The following CFAP119 variants were observed in gnomAD, a reference collection of about 807,000 sequenced individuals.
The protein encoded by CFAP119 is cilia- and flagella-associated protein 119.
the CFAP119 span, chr16:30,760,163 A>G: frequency 6.3e-7 from 1 of 1,591,226 alleles, no homozygotes; most frequent in Non-Finnish European, 8.5e-7. Context: ...GTGTATGATG[A>G]TGCTACTAAT....
At chr16:30,761,774 C>A in the CFAP119 span, 2 of 1,502,018 alleles carry the variant, frequency 1.3e-6, no homozygotes, top group African/African-American at 2.8e-5. Flanking sequence ...TGCCGCGAGG[C>A]GCCCCGGGCT....
At chr16:30,759,336 C>T in the CFAP119 span, 2 of 1,613,244 alleles carry the variant, frequency 1.2e-6, no homozygotes, top group African/African-American at 1.3e-5. Flanking sequence ...GTCCACCACC[C>T]CCTACCTGGG....
At chr16:30,760,259 A>C in the CFAP119 span, 2 of 1,614,126 alleles carry the variant, frequency 1.2e-6, no homozygotes, top group Non-Finnish European at 1.7e-6. Context: ...CCTGGGGCTC[A>C]AACCTGGTAG....
chr16:30,761,706 G>A, the CFAP119 span: 65 of 1,533,622 alleles, frequency 4.2e-5, 2 homozygotes, highest in African/African-American at 4.0e-4. Flanking sequence ...AGCTCCGACT[G>A]CACCCTCATT....
At chr16:30,758,636 G>A in the CFAP119 span, 2 of 275,268 alleles carry the variant, frequency 7.3e-6, no homozygotes, top group Non-Finnish European at 1.4e-5. Context: ...GCTCACTGCA[G>A]TCTCCACCTC....
the CFAP119 span, chr16:30,761,576 G>A: frequency 6.5e-7 from 1 of 1,536,152 alleles, no homozygotes; most frequent in Non-Finnish European, 8.7e-7. Flanking sequence ...GTCTTCATCC[G>A]CTTTCGCCGC....
At chr16:30,761,284 A>C in the CFAP119 span, 1 of 1,610,916 alleles carries the variant, frequency 6.2e-7, no homozygotes, top group African/African-American at 1.3e-5. Context: ...GCCCGTAGCG[A>C]ATCTCCAGCA....
chr16:30,757,548 G>A, the CFAP119 span: 1 of 1,614,260 alleles, frequency 6.2e-7, no homozygotes, highest in Non-Finnish European at 8.5e-7. Context: ...ACTTGCTGCT[G>A]AGCCTTTCCT....
At chr16:30,760,203 C>T in the CFAP119 span, 1 of 1,610,048 alleles carries the variant, frequency 6.2e-7, no homozygotes, top group Non-Finnish European at 8.5e-7. Flanking sequence ...AAATCCCCTG[C>T]TTCTGCTTCC....
the CFAP119 span, chr16:30,762,042 T>C: frequency 2.1e-6 from 1 of 471,518 alleles, no homozygotes. Context: ...CTGGGCGCCC[T>C]CTCTTCCAGG....
the CFAP119 span, chr16:30,758,906 AG>A: frequency 1.3e-6 from 2 of 1,520,812 alleles, no homozygotes; most frequent in Non-Finnish European, 1.8e-6. Context: ...ATTTAGAGAA[AG>A]GACTCTGACT....
At chr16:30,759,722 T>C in the CFAP119 span, 2 of 1,607,060 alleles carry the variant, frequency 1.2e-6, no homozygotes, top group African/African-American at 2.7e-5. Context: ...CCCAAGGGGG[T>C]TGCTGGTAGG....
the CFAP119 span, chr16:30,761,991 G>A: frequency 0.028 from 15,534 of 550,792 alleles, 381 homozygotes; most frequent in South Asian, 0.061. Flanking sequence ...CAGTGGGAGC[G>A]AAGAGAACGC....
chr16:30,761,282 C>G, the CFAP119 span: 1 of 1,611,812 alleles, frequency 6.2e-7, no homozygotes, highest in Non-Finnish European at 8.5e-7. Context: ...TGGCCCGTAG[C>G]GAATCTCCAG....
the CFAP119 span, chr16:30,760,211 TC>T: frequency 6.2e-7 from 1 of 1,611,642 alleles, no homozygotes; most frequent in Non-Finnish European, 8.5e-7. Flanking sequence ...TGCTTCTGCT[TC>T]CCATGGTCAC....
the CFAP119 span, chr16:30,757,569 G>T: frequency 1.2e-6 from 2 of 1,614,068 alleles, no homozygotes; most frequent in African/African-American, 1.3e-5. Context: ...CGCTGGCCTT[G>T]AGCCGCTCCT....
chr16:30,760,680 A>G, the CFAP119 span: 5 of 1,522,168 alleles, frequency 3.3e-6, no homozygotes, highest in Non-Finnish European at 4.4e-6. Flanking sequence ...TGTTATAGTA[A>G]AAGAAAAAGA....
the CFAP119 span, chr16:30,758,392 T>C: frequency 2.0e-5 from 3 of 153,734 alleles, no homozygotes; most frequent in Non-Finnish European, 4.3e-5. Context: ...TTTTTTTAAC[T>C]CTTAAGTTCT....
the CFAP119 span, chr16:30,761,379 G>C: frequency 7.2e-7 from 1 of 1,382,398 alleles, no homozygotes; most frequent in Non-Finnish European, 1.0e-6. Flanking sequence ...CAGGCCCTAG[G>C]TGCTCTACGC....
Sources: gnomAD v4.1 joint callset for allele counts on GRCh38, gnomAD v4.1.1 for gene constraint, MANE v1.5 for transcripts, NCBI Gene and HGNC (gene_info 2026-07-23, HGNC 2026-07-21) for gene names.